CFAP92: variants seen among roughly 807,000 people sequenced by gnomAD.
CFAP92 encodes the protein cilia and flagella associated protein 92 (putative).
CFAP92 carries 86 observed loss-of-function variants against 106.3 expected under a neutral mutation model. The observed-to-expected ratio is 0.81, with a 90% CI of 0.68 to 0.97. The LOEUF (loss-of-function observed/expected upper bound fraction) is 0.97, where lower values mean the gene tolerates loss of function less well. Among genes scored for constraint, CFAP92 ranks in the 50% least tolerant of loss-of-function variants. CFAP92 has a pLI of 0.00. For missense variants in CFAP92, 1,204 were observed against 1,283.8 expected, an observed-to-expected ratio of 0.94 and a Z score of 0.95; for synonymous variants, 477 against 506.4, an observed-to-expected ratio of 0.94 and a Z score of 0.78.
intron 9 of CFAP92, among the ~76,000 whole-genome samples, chr3:128,959,637 G>A (rs760064952): frequency 1.2e-4 from 19 of 152,276 alleles, no homozygotes; most frequent in Non-Finnish European, 2.2e-4. Flanking sequence ...TGAGCATCCC[G>A]CTGGCAACTG....
In CFAP92 at chr3:128,988,792, G is replaced by C. The variant is rs1299569632; in HGVS notation, c.389C>G (p.Pro130Arg). The C allele has an allele frequency of 6.2e-7, 1 of 1,613,966 alleles. No homozygotes were observed. The highest frequency in any genetic ancestry group is 8.5e-7 in the Non-Finnish European group (1 of 1,179,878). Residue 130 changes from proline (P) to arginine (R), a missense_variant, in exon 3 of 16, where the codon CCT becomes CGT. Physicochemically the swap from Pro to Arg is moderately radical, Grantham distance 103. Transcript: ENST00000645291. ...EYFLLPDDEE[P>R]KKVDILLFPM... is the part of the protein sequence containing the mutation. ...AAATAGCAATATGTCAACTTTTTTAGGTTCTTCATCGTCCGGCAGAAGGAA... is the reference window on the plus strand; with the variant it reads ...AAATAGCAATATGTCAACTTTTTTACGTTCTTCATCGTCCGGCAGAAGGAA...
At chr3:128,938,127 G>A (rs1223323375) in intron 10 of CFAP92, among the ~76,000 whole-genome samples, 1 of 151,830 alleles carries the variant, frequency 6.6e-6, no homozygotes, top group Non-Finnish European at 1.5e-5. Flanking sequence ...AGCTACTTGA[G>A]AGGCTGAGGT....
chr3:128,975,866 C>T lies in CFAP92; in HGVS notation c.934G>A (p.Gly312Arg). ...TCCTTGATCTCCATCATGCTTGCTC[C>T]TGCCAAAGAAATGGTTGGTGTTCTT... ...VSRTPTISLA[G>R]ASMMEIKELI... Residue 312 changes from glycine (G) to arginine (R), a missense_variant, in exon 7 of 16, where the codon GGA becomes AGA. Physicochemically the swap from Gly to Arg is moderately radical, Grantham distance 125. Coordinates refer to ENST00000645291, the MANE Select transcript of CFAP92 (RefSeq NM_001394090.1). The T allele has an allele frequency of 2.5e-6, 4 of 1,610,016 alleles. No individual in the cohort carries two copies. The highest frequency in any genetic ancestry group is 3.4e-6 in the Non-Finnish European group (4 of 1,178,266).
the CFAP92 span, among the ~76,000 whole-genome samples, chr3:129,018,037 G>A: frequency 3.3e-5 from 5 of 152,200 alleles, no homozygotes; most frequent in Admixed American, 3.3e-4. Context: ...ATAGTATGCA[G>A]TCCTGGCCAT....
chr3:129,015,802 C>T, the CFAP92 span, among the ~76,000 whole-genome samples: 83 of 148,184 alleles, frequency 5.6e-4, no homozygotes, highest in African/African-American at 2.0e-3. Context: ...AGCTGTTCTT[C>T]CTGCTGTTGT....
At chr3:128,944,622 C>G (rs919509816) in intron 10 of CFAP92, among the ~76,000 whole-genome samples, 2 of 152,300 alleles carry the variant, frequency 1.3e-5, no homozygotes, top group Non-Finnish European at 2.9e-5. Context: ...CCCGCTGCAG[C>G]CCAGAATTGG....
chr3:128,925,152 C>T (rs542766567), intron 12 of CFAP92, among the ~76,000 whole-genome samples: 79 of 152,292 alleles, frequency 5.2e-4, no homozygotes, highest in African/African-American at 1.7e-3. Context: ...GGACTGGTTT[C>T]GTGGAAGACA....
At chr3:129,016,751 A>T in the CFAP92 span, among the ~76,000 whole-genome samples, 1 of 152,046 alleles carries the variant, frequency 6.6e-6, no homozygotes, top group African/African-American at 2.4e-5. Context: ...GGCGGAACTG[A>T]TTAAGGAACA....
chr3:128,939,517 A>G (rs1176501993), intron 10 of CFAP92, among the ~76,000 whole-genome samples: 1 of 152,022 alleles, frequency 6.6e-6, no homozygotes, highest in East Asian at 1.9e-4. Flanking sequence ...ATAGTTTTTC[A>G]TCTATTTAGT....
intron 1 of CFAP92, among the ~76,000 whole-genome samples, chr3:129,000,754 C>G (rs576841093): frequency 6.6e-6 from 1 of 152,336 alleles, no homozygotes; most frequent in African/African-American, 2.4e-5. Flanking sequence ...GATCCCATTG[C>G]CAAGTCAGCA....
chr3:128,987,569 G>C (rs755885156), intron 4 of CFAP92, 47 bp downstream of exon 4: 3 of 1,517,984 alleles, frequency 2.0e-6, no homozygotes, highest in Non-Finnish European at 2.7e-6. Context: ...TGTTACTAGT[G>C]AGTAAGCCCC....
At chr3:128,972,115 C>A (rs145527052) in intron 7 of CFAP92, among the ~76,000 whole-genome samples, 12 of 152,250 alleles carry the variant, frequency 7.9e-5, no homozygotes, top group African/African-American at 2.2e-4. Context: ...CATATGGGAG[C>A]AAATTAAGTT....
chr3:128,978,261 T>A, intron 4 of CFAP92, 76 bp from the exon 5 acceptor site: 1 of 1,522,446 alleles, frequency 6.6e-7, no homozygotes, highest in Non-Finnish European at 8.9e-7. Context: ...TATGGGCATT[T>A]CTTGGAGACA....
chr3:128,945,946 G>C lies in CFAP92; in HGVS notation c.1383C>G (p.Tyr461Ter). The C allele has an allele frequency of 1.4e-6, 2 of 1,446,212 alleles. No homozygotes were observed. Among genetic ancestry groups the C allele is most frequent in the Non-Finnish European group, 1.8e-6 (2 of 1,106,448 alleles). 89.6% of individuals were successfully genotyped at this position (1,446,212 alleles called of 1,614,324 possible). A position where few individuals can be genotyped will look rare whatever the true frequency, so the allele number is the denominator to read the frequency against. ...TGTGAACTGGAGTCTTATGGAACTGGTACTTGCAGTACACAGGCATGCACA... is the reference window on the plus strand; with the variant it reads ...TGTGAACTGGAGTCTTATGGAACTGCTACTTGCAGTACACAGGCATGCACA... ...ERLCMPVYCKYQFHKTPVHKT... is the reference protein window; with the variant it reads ...ERLCMPVYCK Residue 461 changes from tyrosine (Y) to a stop codon, truncating the protein, a stop_gained, in exon 10 of 16, where the codon TAC (tyrosine) becomes TAG (stop). Coordinates refer to ENST00000645291, the MANE Select transcript of CFAP92 (RefSeq NM_001394090.1). LOFTEE classifies it high-confidence loss of function.
rs1944034261 is a variant in CFAP92, at chr3:128,988,927, T to C, written c.263-9A>G. ...ATATTTTCCCTTCTGACCTTGAAGA[T>C]ACAGATTGAAAAAGTCTCGTTTTAA... On this transcript the variant is annotated splice_polypyrimidine_tract_variant and intron_variant, in intron 2 of 15. Coordinates refer to ENST00000645291, the MANE Select transcript of CFAP92 (RefSeq NM_001394090.1). 6.2e-7 allele frequency: 1 copy of C among 1,605,564 alleles called. No homozygotes were observed. The highest frequency in any genetic ancestry group is 2.2e-5 in the East Asian group (1 of 44,834).
intron 9 of CFAP92, among the ~76,000 whole-genome samples, chr3:128,953,624 CCTCTCCGTCT>C: frequency 7.9e-6 from 1 of 126,070 alleles, no homozygotes; most frequent in Non-Finnish European, 1.6e-5. Context: ...CCTCTCCCTC[CCTCTCCGTCT>C]CCCTCTCCCC....
Position 128,935,204 on chromosome 3 carries a change from GC to G in CFAP92, c.2373del (p.Gln791HisfsTer26). 6.5e-7 allele frequency: 1 copy of G among 1,536,110 alleles called. No homozygotes were observed. Among genetic ancestry groups the G allele is most frequent in the Non-Finnish European group, 8.7e-7 (1 of 1,146,870 alleles). On this transcript the variant is annotated frameshift_variant, in exon 11 of 16. Transcript: ENST00000645291. LOFTEE classifies it high-confidence loss of function. ...GCCTGCTGCAGCAGCAGCTCCGTGG[GC>G]TGGAAGAGGTGCACGTGGTACAGGA... ...EAILYHVHLF[Q>X]PTELLLQQAV...
chr3:129,008,296 A>T, the CFAP92 span, among the ~76,000 whole-genome samples: 2 of 152,096 alleles, frequency 1.3e-5, no homozygotes, highest in East Asian at 3.9e-4. Flanking sequence ...TCCTTCTGTA[A>T]CTCACTATGC....
intron 10 of CFAP92, among the ~76,000 whole-genome samples, chr3:128,942,231 G>A (rs1939705302): frequency 6.6e-6 from 1 of 152,170 alleles, no homozygotes. Flanking sequence ...ACTAAAATCC[G>A]CCAAGGGAAC....
Sources: gnomAD v4.1 joint callset for allele counts (sites outside exome capture counted in the v4.1 genomes callset) on GRCh38, gnomAD v4.1.1 for gene constraint, MANE v1.5 for transcripts, NCBI Gene and HGNC (gene_info 2026-07-23, HGNC 2026-07-21) for gene names.